Variants in CARS1 observed in about 807,000 individuals in gnomAD.
The protein encoded by CARS1 is cysteine--tRNA ligase, cytoplasmic.
Under a neutral mutation model 106.2 loss-of-function variants are expected in CARS1, and 48 were observed. The ratio of observed to expected loss-of-function variants is 0.45; its 90% CI spans 0.36 to 0.57. The LOEUF (loss-of-function observed/expected upper bound fraction) is 0.57. Among genes scored for constraint, CARS1 ranks in the 20% least tolerant of loss-of-function variants. The pLI, the probability that CARS1 is intolerant of heterozygous loss-of-function variation, is 0.00. For synonymous variants in CARS1, 409 were observed against 403.4 expected (o/e 1.01, Z -0.17); for missense variants, 968 against 1,057.2 (o/e 0.92, Z 1.17).
rs186659383 is a variant in CARS1, at chr11:3,046,632, G to T, written c.274+1121C>A. On this transcript the variant is annotated intron_variant, in intron 2 of 22. Transcript: ENST00000380525. The surrounding 1 kb of genome is among the most constrained non-coding windows in gnomAD (Gnocchi z 5.8). ...CAGAGGCCTGACCCACGGCAGAGGC[G>T]GGGGGGCATGTTCCCAATCCCAGGC... is the stretch of plus-strand genomic sequence containing the variant. 6.6e-6 allele frequency among the ~76,000 whole-genome samples: 1 copy of T among 151,928 alleles called. No homozygotes were observed. The highest frequency in any genetic ancestry group is 1.5e-5 in the Non-Finnish European group (1 of 67,954).
chr11:3,033,049 A>C (rs191097629), intron 7 of CARS1, among the ~76,000 whole-genome samples: 2,654 of 72,450 alleles, frequency 0.037, 81 homozygotes, highest in African/African-American at 0.073. Context: ...TCTAAAAAAA[A>C]ACTTTTTTTT....
rs1851928152 is a variant in CARS1, at chr11:3,025,186, G to A, written c.1153+1490C>T. On this transcript the variant is annotated intron_variant, in intron 10 of 22. Coordinates refer to ENST00000380525, the MANE Select transcript of CARS1 (RefSeq NM_001014437.3). The stretch of plus-strand genomic sequence containing the variant: ...GGGTCTGATATTTATGTGTCAACCT[G>A]GCTATCTCTATCTTTCTTCAGTCTG... 2.6e-5 allele frequency among the ~76,000 whole-genome samples: 4 copies of A among 152,206 alleles called. No homozygotes were observed. In the Middle Eastern group the frequency reaches 0.01, roughly 388 times the overall value.
intron 21 of CARS1, 52 bp from the exon 22 acceptor site, chr11:3,002,105 C>T: frequency 8.1e-7 from 1 of 1,235,432 alleles, no homozygotes; most frequent in Non-Finnish European, 1.2e-6. Context: ...ACCTGGGGCT[C>T]CGCACTGTGA....
chr11:3,010,719 C>T (rs1385936155), intron 18 of CARS1, among the ~76,000 whole-genome samples: 1 of 152,250 alleles, frequency 6.6e-6, no homozygotes, highest in Non-Finnish European at 1.5e-5. Flanking sequence ...TTCCTGCCCT[C>T]CTGCCTCCTG....
Position 3,044,437 on chromosome 11 carries a change from A to G in CARS1, c.275-2181T>C, listed in dbSNP as rs1854869451. On this transcript the variant is annotated intron_variant, in intron 2 of 22. Coordinates refer to ENST00000380525, the MANE Select transcript of CARS1 (RefSeq NM_001014437.3). The surrounding 1 kb of genome is among the most constrained non-coding windows in gnomAD (Gnocchi z 4.4). ...CCCCCCTTTTTTTTTTTTAGATAAAATCTGGCTGAAGTGCACTGGCGCAAT... is the reference window on the plus strand; with the variant it reads ...CCCCCCTTTTTTTTTTTTAGATAAAGTCTGGCTGAAGTGCACTGGCGCAAT... Among the ~76,000 whole-genome samples the G allele has an allele frequency of 6.6e-6, 1 of 151,596 alleles. No homozygotes were observed. The highest frequency in any genetic ancestry group is 6.6e-5 in the Admixed American group (1 of 15,250).
chr11:3,010,663 C>A (rs942267139), intron 18 of CARS1, among the ~76,000 whole-genome samples: 2 of 152,214 alleles, frequency 1.3e-5, no homozygotes, highest in Non-Finnish European at 2.9e-5. Context: ...CACCCAGTGT[C>A]CTGCACTCTC....
chr11:3,028,213 CT>C lies in CARS1; in HGVS notation c.1031+782del. The C allele has an allele frequency of 2.7e-6, 1 of 365,722 alleles. No individual in the cohort carries two copies. 22.7% of individuals were successfully genotyped at this position (365,722 alleles called of 1,614,324 possible). On this transcript the variant is annotated intron_variant, in intron 9 of 22. Coordinates refer to ENST00000380525, the MANE Select transcript of CARS1 (RefSeq NM_001014437.3). The surrounding 1 kb of genome is among the most constrained non-coding windows in gnomAD (Gnocchi z 4.4). The stretch of plus-strand genomic sequence containing the variant: ...CCAGTGGACACGTGACCCACGTGGC[CT>C]TACCTATCATTGAAGATGGCTCACT...
rs556972007 is a variant in CARS1 at position 3,040,188 on chromosome 11, TC to T, written c.456-258del. 6.2e-4 allele frequency: 259 copies of T among 419,752 alleles called. 3 individuals are homozygous for T. The highest frequency in any genetic ancestry group is 6.1e-3 in the South Asian group (161 of 26,338). The allele number at this position is 419,752 out of a possible 1,614,324, so 26.0% of individuals were successfully genotyped here. On this transcript the variant is annotated intron_variant, in intron 4 of 22. Transcript: ENST00000380525. The surrounding 1 kb of genome is among the most constrained non-coding windows in gnomAD (Gnocchi z 5.8). ...CCTTATGATTTTCTTCATAATATTT[TC>T]TTTTCTCTGGCTTCCTTTATCATTA...
At position 3,041,030 on chromosome 11, in the gene CARS1, C is replaced by T. The variant is rs113862665; in HGVS notation, c.367-46G>A. ...TGACGATCACAAGAAATGCAAGAAACACTGCACAGGATTACCAAAAACAGC... is the reference window on the plus strand; with the variant it reads ...TGACGATCACAAGAAATGCAAGAAATACTGCACAGGATTACCAAAAACAGC... On this transcript the variant is annotated intron_variant, in intron 3 of 22. Transcript: ENST00000380525. This position sits in a 1 kb window ranked among gnomAD's most constrained non-coding sequence, Gnocchi z 4.9. The T allele has an allele frequency of 6.2e-7, 1 of 1,613,880 alleles. No individual in the cohort carries two copies. Among genetic ancestry groups the T allele is most frequent in the South Asian group, 1.1e-5 (1 of 91,042 alleles).
chr11:3,001,395 G>A (rs753764061), intron 22 of CARS1, 147 bp from the exon 23 acceptor site: 120 of 908,778 alleles, frequency 1.3e-4, no homozygotes, highest in Non-Finnish European at 1.9e-4. Flanking sequence ...ACACTGCTCT[G>A]GAGCCAGCAC....
At position 3,050,822 on chromosome 11, in the gene CARS1, G is replaced by A. The variant is rs1855604877; in HGVS notation, c.26-2821C>T. On this transcript the variant is annotated intron_variant, in intron 1 of 22. Coordinates refer to ENST00000380525, the MANE Select transcript of CARS1 (RefSeq NM_001014437.3). This position sits in a 1 kb window ranked among gnomAD's most constrained non-coding sequence, Gnocchi z 6.3. ...TTCAAGGACTCCCTGTCCATATGGC[G>A]CCCGCCTCTAGACCCTGAGCCTGGC... 6.6e-6 allele frequency among the ~76,000 whole-genome samples: 1 copy of A among 152,076 alleles called. No homozygotes were observed.
chr11:3,032,323 G>A (rs1403232264), intron 7 of CARS1, among the ~76,000 whole-genome samples: 3 of 151,876 alleles, frequency 2.0e-5, no homozygotes, highest in Non-Finnish European at 2.9e-5. Flanking sequence ...TGCCCATCTC[G>A]GCCTCCCAAA....
intron 3 of CARS1, 102 bp downstream of exon 3, chr11:3,042,063 C>A: frequency 2.5e-6 from 2 of 786,564 alleles, no homozygotes; most frequent in East Asian, 2.7e-5. Flanking sequence ...CAGATCCCAA[C>A]ACAAGGAACA....
chr11:3,017,278 G>A lies in CARS1; in HGVS notation c.1745C>T (p.Thr582Ile). The change falls in exon 16 of 23, where the codon ACA becomes ATA. Residue 582 changes from threonine (T) to isoleucine (I), a missense_variant. Transcript: ENST00000380525. The surrounding 1 kb of genome is among the most constrained non-coding windows in gnomAD (Gnocchi z 4.9). ...ELNKNFYDKK[T>I]AIHKALCDNV... Reference sequence around the variant, plus strand: ...GTCACAGAGGGCTTTGTGAATTGCTGTCTTCTTGTCATAAAAGCTGAGCAA... The same window carrying A: ...GTCACAGAGGGCTTTGTGAATTGCTATCTTCTTGTCATAAAAGCTGAGCAA... 1 of 1,613,258 alleles carries A rather than the reference G, an allele frequency of 6.2e-7. No homozygotes were observed. Among genetic ancestry groups the A allele is most frequent in the Middle Eastern group, 1.7e-4 (1 of 6,060 alleles).
At chr11:3,016,469 C>T (rs771039962) in intron 16 of CARS1, among the ~76,000 whole-genome samples, 2 of 152,176 alleles carry the variant, frequency 1.3e-5, no homozygotes, top group East Asian at 1.9e-4. Context: ...GTGATCCGCC[C>T]GCCTTGGCCT....
chr11:3,033,677 A>T (rs1590450712), intron 7 of CARS1, among the ~76,000 whole-genome samples: 1 of 152,336 alleles, frequency 6.6e-6, no homozygotes, highest in East Asian at 1.9e-4. Flanking sequence ...ATCCAAAGGA[A>T]AAAGAAGAAA....
In CARS1 at chr11:3,021,831, G is replaced by A. The variant is rs553091848; in HGVS notation, c.1154-1499C>T. 6.6e-6 allele frequency among the ~76,000 whole-genome samples: 1 copy of A among 152,276 alleles called. No homozygotes were observed. Among genetic ancestry groups the A allele is most frequent in the South Asian group, 2.1e-4 (1 of 4,828 alleles). ...GCACTGTTCTGCCACTGACAATTCCGCAAAAGCACAATGTGATATGGCCCA... is the reference window on the plus strand; with the variant it reads ...GCACTGTTCTGCCACTGACAATTCCACAAAAGCACAATGTGATATGGCCCA... On this transcript the variant is annotated intron_variant, in intron 10 of 22. Transcript: ENST00000380525. This position sits in a 1 kb window ranked among gnomAD's most constrained non-coding sequence, Gnocchi z 5.3.
chr11:3,002,090 G>T, intron 21 of CARS1, 37 bp from the exon 22 acceptor site: 2 of 1,398,312 alleles, frequency 1.4e-6, no homozygotes, highest in Non-Finnish European at 2.0e-6. Context: ...CTGCCCCCGA[G>T]CAGCACCTGG....
chr11:3,053,294 G>A lies in CARS1; in HGVS notation c.25+4049C>T, dbSNP rs942114145. On this transcript the variant is annotated intron_variant, in intron 1 of 22. Transcript: ENST00000380525. This position sits in a 1 kb window ranked among gnomAD's most constrained non-coding sequence, Gnocchi z 6.6. ...CACCCAGGCTGGAGTGCAGTGGCAT[G>A]ATCTCGGCTCACTGCAAACTCTGCC... Among the ~76,000 whole-genome samples, 7 of 152,016 alleles carry A rather than the reference G, an allele frequency of 4.6e-5. No homozygotes were observed. The highest frequency in any genetic ancestry group is 1.4e-4 in the African/African-American group (6 of 41,380).
Sources: gnomAD v4.1 joint callset for allele counts (sites outside exome capture counted in the v4.1 genomes callset) on GRCh38, gnomAD v4.1.1 for gene constraint, Gnocchi (gnomAD v3.1) non-coding constraint, MANE v1.5 for transcripts, NCBI Gene and HGNC (gene_info 2026-07-23, HGNC 2026-07-21) for gene names.